Variants in KIAA0319L observed in about 807,000 individuals in gnomAD.
KIAA0319L encodes dyslexia-associated protein KIAA0319-like protein.
A neutral mutation model predicts 120.1 loss-of-function variants in KIAA0319L; 55 were observed. The observed-to-expected ratio is 0.46, with a 90% CI of 0.37 to 0.57. KIAA0319L has a LOEUF of 0.57. KIAA0319L is among the 20% of genes least tolerant of loss of function. KIAA0319L has a pLI of 0.00. For synonymous variants in KIAA0319L, 398 were observed against 471.9 expected (o/e 0.84, Z 2.03); for missense variants, 1,049 against 1,255.3 (o/e 0.84, Z 2.48).
At position 35,494,494 on chromosome 1, in the gene KIAA0319L, T is replaced by C. The variant is rs951979185; in HGVS notation, c.666+12118A>G. Among the ~76,000 whole-genome samples, 4 of 151,800 alleles carry C rather than the reference T, an allele frequency of 2.6e-5. No individual in the cohort carries two copies. The East Asian group carries it at 5.8e-4, about 22-fold the overall frequency. On this transcript the variant is annotated intron_variant, in intron 3 of 20. Transcript: ENST00000325722. ...TAAAAAATAAAATAAAATAAACATATATTACAAAGCTAGAGTTAGGCCGGG... is the reference window on the plus strand; with the variant it reads ...TAAAAAATAAAATAAAATAAACATACATTACAAAGCTAGAGTTAGGCCGGG...
At chr1:35,497,645 A>G (rs1437134890) in intron 3 of KIAA0319L, among the ~76,000 whole-genome samples, 1 of 152,222 alleles carries the variant, frequency 6.6e-6, no homozygotes, top group African/African-American at 2.4e-5. Flanking sequence ...GCTGCTTTCT[A>G]AAAGTATGGC....
At chr1:35,522,615 G>A (rs114408550) in intron 2 of KIAA0319L, among the ~76,000 whole-genome samples, 24 of 152,012 alleles carry the variant, frequency 1.6e-4, no homozygotes, top group Admixed American at 2.6e-4. Context: ...CAATGTACCC[G>A]TATTATTTTC....
At chr1:35,514,736 T>A (rs1202326219) in intron 2 of KIAA0319L, among the ~76,000 whole-genome samples, 2 of 152,178 alleles carry the variant, frequency 1.3e-5, no homozygotes, top group Non-Finnish European at 2.9e-5. Context: ...CCCAGATTCA[T>A]AAAGCAAGTT....
intron 19 of KIAA0319L, among the ~76,000 whole-genome samples, chr1:35,441,684 T>C (rs1004027835): frequency 1.9e-4 from 29 of 152,086 alleles, no homozygotes; most frequent in Non-Finnish European, 3.4e-4. Flanking sequence ...AAAAATATTA[T>C]GGCACACAGT....
chr1:35,543,598 T>C (rs1015184048), intron 2 of KIAA0319L, among the ~76,000 whole-genome samples: 1 of 152,200 alleles, frequency 6.6e-6, no homozygotes, highest in African/African-American at 2.4e-5. Context: ...CTCTGACTGG[T>C]ACAACAGAGG....
At chr1:35,435,252 A>C in intron 20 of KIAA0319L, 171 bp from the exon 21 acceptor site, 2 of 617,804 alleles carry the variant, frequency 3.2e-6, no homozygotes, top group African/African-American at 1.8e-5. Flanking sequence ...CCCGGGCCCA[A>C]CTGGTTGGAA....
Position 35,453,521 on chromosome 1 carries a change from G to GAAAATAAGGA in KIAA0319L, c.1913+35_1913+36insTCCTTATTTT, listed in dbSNP as rs1642211449. 14 of 1,609,470 alleles carry GAAAATAAGGA rather than the reference G, an allele frequency of 8.7e-6. No homozygotes were observed. The South Asian group carries it at 1.5e-4, about 18-fold the overall frequency. On this transcript the variant is annotated intron_variant, in intron 12 of 20. Coordinates refer to ENST00000325722, the MANE Select transcript of KIAA0319L (RefSeq NM_024874.5). This position sits in a 1 kb window ranked among gnomAD's most constrained non-coding sequence, Gnocchi z 4.1. ...AACCTTGCTCTTCCAAGGTCTGGAGGCTTTGCAAAAATAAGGATTTTGTGT... is the reference window on the plus strand; with the variant it reads ...AACCTTGCTCTTCCAAGGTCTGGAGGAAAATAAGGACTTTGCAAAAATAAGGATTTTGTGT...
chr1:35,473,098 T>C (rs1317649108), intron 5 of KIAA0319L, among the ~76,000 whole-genome samples: 1 of 134,616 alleles, frequency 7.4e-6, no homozygotes, highest in Non-Finnish European at 1.6e-5. Flanking sequence ...TTTTTTTTTT[T>C]TTTTTCTTTT....
At chr1:35,547,480 A>C (rs1385051089) in intron 2 of KIAA0319L, among the ~76,000 whole-genome samples, 1 of 152,144 alleles carries the variant, frequency 6.6e-6, no homozygotes, top group Non-Finnish European at 1.5e-5. Flanking sequence ...AAAAAGTAGA[A>C]ACAACCCAAT....
chr1:35,522,155 T>G (rs1013487148), intron 2 of KIAA0319L, among the ~76,000 whole-genome samples: 1 of 152,132 alleles, frequency 6.6e-6, no homozygotes, highest in African/African-American at 2.4e-5. Flanking sequence ...AGAAAATATA[T>G]ATATATGCAC....
At chr1:35,484,790 ATATATATATATATATATTT>A (rs1268764033) in intron 3 of KIAA0319L, among the ~76,000 whole-genome samples, 28 of 55,630 alleles carry the variant, frequency 5.0e-4, no homozygotes, top group African/African-American at 2.0e-3. Flanking sequence ...ATATATATAT[ATATATATATATATATATTT>A]TTTTTTTTAT....
rs747154996 is a variant in KIAA0319L, at chr1:35,443,008, C to T, written c.2677G>A (p.Asp893Asn). The change falls in exon 18 of 21, where the codon GAC becomes AAC. Residue 893 changes from aspartate to asparagine, a missense_variant. Physicochemically the swap from Asp to Asn is conservative, Grantham distance 23. Transcript: ENST00000325722. Reference sequence around the variant, plus strand: ...GTGAACGAGTCACAGTGGCCATGGTCGGAACAGTTCAGCTGACATGCTGAG... The same window carrying T: ...GTGAACGAGTCACAGTGGCCATGGTTGGAACAGTTCAGCTGACATGCTGAG... The part of the protein sequence containing the change: ...NTVTCQLNCS[D>N]HGHCDSFTKR... The T allele has an allele frequency of 7.4e-6, 12 of 1,613,990 alleles. No homozygotes were observed. The highest frequency in any genetic ancestry group is 1.6e-4 in the Middle Eastern group (1 of 6,082).
chr1:35,527,083 A>G (rs1252913608), intron 2 of KIAA0319L, among the ~76,000 whole-genome samples: 1 of 152,156 alleles, frequency 6.6e-6, no homozygotes, highest in Non-Finnish European at 1.5e-5. Flanking sequence ...ATATTCCAAA[A>G]GCATTTGTGG....
At chr1:35,497,386 A>T (rs1300448822) in intron 3 of KIAA0319L, among the ~76,000 whole-genome samples, 1 of 152,210 alleles carries the variant, frequency 6.6e-6, no homozygotes, top group Non-Finnish European at 1.5e-5. Flanking sequence ...AAGAATACGT[A>T]TGTAATGTAT....
At chr1:35,460,895 T>C (rs41306597) in intron 8 of KIAA0319L, among the ~76,000 whole-genome samples, 2 of 152,342 alleles carry the variant, frequency 1.3e-5, no homozygotes, top group Non-Finnish European at 2.9e-5. Flanking sequence ...ACAACCTCTA[T>C]AATGAGTACT....
intron 1 of KIAA0319L, chr1:35,556,522 G>A (rs1648083876): frequency 6.6e-6 from 1 of 152,208 alleles, no homozygotes; most frequent in East Asian, 1.9e-4. Flanking sequence ...CTGGAAAAAT[G>A]AACAGATTGT....
chr1:35,449,743 G>A (rs373555147), intron 15 of KIAA0319L, 124 bp downstream of exon 15: 5 of 1,054,814 alleles, frequency 4.7e-6, no homozygotes, highest in Admixed American at 2.4e-5. Flanking sequence ...GGGGTTTCTC[G>A]ATTATTTTTA....
At chr1:35,495,401 G>T (rs554273835) in intron 3 of KIAA0319L, among the ~76,000 whole-genome samples, 11 of 152,138 alleles carry the variant, frequency 7.2e-5, no homozygotes, top group African/African-American at 2.6e-4. Context: ...GAATCTTTCA[G>T]AAGAAAACTT....
chr1:35,514,443 C>G (rs993775185), intron 2 of KIAA0319L, among the ~76,000 whole-genome samples: 1 of 150,242 alleles, frequency 6.7e-6, no homozygotes, highest in African/African-American at 2.5e-5. Context: ...GGATAAAAAA[C>G]AAGACCCAAT....
Sources: gnomAD v4.1 joint callset for allele counts (sites outside exome capture counted in the v4.1 genomes callset) on GRCh38, gnomAD v4.1.1 for gene constraint, Gnocchi (gnomAD v3.1) non-coding constraint, MANE v1.5 for transcripts, NCBI Gene and HGNC (gene_info 2026-07-23, HGNC 2026-07-21) for gene names.